DPH6: variants seen among roughly 807,000 people sequenced by gnomAD.
The protein encoded by DPH6 is diphthamine biosynthesis 6.
DPH6 carries 33 observed loss-of-function variants against 38.2 expected under a neutral mutation model. That is an observed-to-expected ratio of 0.86 (90% CI 0.65 to 1.15). The LOEUF is 1.15. DPH6 is among the 50% of genes most tolerant of loss of function. The pLI, the probability that DPH6 is intolerant of heterozygous loss-of-function variation, is 0.00. For synonymous variants in DPH6, 108 were observed against 103.0 expected (o/e 1.05, Z -0.30); for missense variants, 325 against 320.0 (o/e 1.02, Z -0.12).
intron 3 of DPH6, chr15:35,519,275 A>G (rs1294422264): frequency 6.6e-6 from 1 of 152,012 alleles, no homozygotes; most frequent in Non-Finnish European, 1.5e-5. Flanking sequence ...AATGTCATGT[A>G]TAACGACTGG....
Position 35,406,294 on chromosome 15 carries a change from A to T in DPH6, c.567+4541T>A, listed in dbSNP as rs117935462. Among the ~76,000 whole-genome samples, 53 of 152,154 alleles carry T rather than the reference A, an allele frequency of 3.5e-4. No individual in the cohort carries two copies. In the East Asian group the frequency reaches 8.1e-3, roughly 23 times the overall value. On this transcript the variant is annotated intron_variant, in intron 6 of 8. Transcript: ENST00000256538. Reference sequence around the variant, plus strand: ...CGATAGTTCAAAATCGATGAAGCATAGGGAGTATTCCATTGACTACCTATC... The same window carrying T: ...CGATAGTTCAAAATCGATGAAGCATTGGGAGTATTCCATTGACTACCTATC...
At chr15:35,543,004 A>G (rs1278455482) in intron 1 of DPH6, among the ~76,000 whole-genome samples, 1 of 120,154 alleles carries the variant, frequency 8.3e-6, no homozygotes, top group Non-Finnish European at 1.7e-5. Context: ...AAAAAAAACT[A>G]TTCTCTATGA....
intron 3 of DPH6, among the ~76,000 whole-genome samples, chr15:35,485,208 T>C (rs2054381202): frequency 6.6e-6 from 1 of 152,130 alleles, no homozygotes; most frequent in South Asian, 2.1e-4. Flanking sequence ...AGCCAAAAAG[T>C]TCCATGGGTG....
intron 3 of DPH6, among the ~76,000 whole-genome samples, chr15:35,248,954 A>C (rs2051654281): frequency 6.6e-6 from 1 of 152,246 alleles, no homozygotes; most frequent in South Asian, 2.1e-4. Context: ...CTTGCTTGCT[A>C]TAATAACATC....
chr15:35,389,218 AT>A (rs2053017054), intron 6 of DPH6, among the ~76,000 whole-genome samples: 1 of 152,006 alleles, frequency 6.6e-6, no homozygotes, highest in Non-Finnish European at 1.5e-5. Context: ...GTTTGTTATA[AT>A]TTCTGTTCTT....
chr15:35,387,343 A>C (rs1040107441), intron 6 of DPH6, among the ~76,000 whole-genome samples: 1 of 152,152 alleles, frequency 6.6e-6, no homozygotes, highest in African/African-American at 2.4e-5. Context: ...TTGGTTCCAT[A>C]TAAACTTTAA....
chr15:35,343,652 T>C (rs956336658), intron 3 of DPH6, among the ~76,000 whole-genome samples: 1 of 152,042 alleles, frequency 6.6e-6, no homozygotes, highest in Non-Finnish European at 1.5e-5. Context: ...ATTTATCCTT[T>C]AACAAGTTTA....
intron 3 of DPH6, among the ~76,000 whole-genome samples, chr15:35,358,608 T>C (rs1228255350): frequency 6.6e-6 from 1 of 152,216 alleles, no homozygotes; most frequent in Non-Finnish European, 1.5e-5. Flanking sequence ...CTTTTTCCTA[T>C]GGATGTAGCT....
intron 3 of DPH6, among the ~76,000 whole-genome samples, chr15:35,296,110 T>C (rs2052012999): frequency 6.6e-6 from 1 of 151,944 alleles, no homozygotes; most frequent in African/African-American, 2.4e-5. Context: ...CGGCTAATTT[T>C]TTGTATTTTT....
At chr15:35,519,227 T>A (rs949535960) in intron 3 of DPH6, 1 of 151,866 alleles carries the variant, frequency 6.6e-6, no homozygotes, top group African/African-American at 2.4e-5. Context: ...TGACAAACAC[T>A]TTAGTCATTG....
In DPH6 at chr15:35,471,305, T is replaced by C. The variant is rs140711601; in HGVS notation, c.313-16485A>G. On this transcript the variant is annotated intron_variant, in intron 3 of 8. Coordinates refer to ENST00000256538, the MANE Select transcript of DPH6 (RefSeq NM_080650.4). ...GTGCTTATCTGATGCCAGAGAGATG[T>C]TGGAACTACAGATTCCCCAAATCCT... 9.0e-3 allele frequency among the ~76,000 whole-genome samples: 1,372 copies of C among 152,262 alleles called. 21 individuals carry two copies. Among genetic ancestry groups the C allele is most frequent in the African/African-American group, 0.027 (1,106 of 41,546 alleles).
At chr15:35,472,549 C>T (rs2054211424) in intron 3 of DPH6, among the ~76,000 whole-genome samples, 2 of 152,098 alleles carry the variant, frequency 1.3e-5, no homozygotes. Context: ...GCTGACTAAG[C>T]CCTCCTGGAC....
At chr15:35,355,134 C>T (rs1302851494) in intron 3 of DPH6, among the ~76,000 whole-genome samples, 2 of 151,964 alleles carry the variant, frequency 1.3e-5, no homozygotes, top group Non-Finnish European at 2.9e-5. Context: ...TTTCCATTTG[C>T]TTGGGAGATC....
At chr15:35,448,872 T>C (rs1482063197) in intron 5 of DPH6, among the ~76,000 whole-genome samples, 1 of 151,966 alleles carries the variant, frequency 6.6e-6, no homozygotes, top group Non-Finnish European at 1.5e-5. Context: ...AAAAATATAT[T>C]TGTATGCATT....
chr15:35,307,342 A>G (rs574583760), intron 3 of DPH6, among the ~76,000 whole-genome samples: 13 of 152,254 alleles, frequency 8.5e-5, no homozygotes, highest in African/African-American at 3.1e-4. Context: ...CAAAACAAAG[A>G]ATTCTCTATT....
the DPH6 span, among the ~76,000 whole-genome samples, chr15:35,196,306 T>C: frequency 1.3e-5 from 2 of 152,290 alleles, no homozygotes; most frequent in East Asian, 3.9e-4. Flanking sequence ...CCCTAAAACT[T>C]TGGCAACTTG....
the DPH6 span, among the ~76,000 whole-genome samples, chr15:35,198,912 G>T: frequency 1.3e-5 from 2 of 151,660 alleles, no homozygotes; most frequent in South Asian, 4.2e-4. Context: ...ATAATTTGTT[G>T]TCTTCTTCTT....
chr15:35,530,096 C>T (rs79628204), intron 3 of DPH6, among the ~76,000 whole-genome samples: 2,076 of 152,068 alleles, frequency 0.014, 47 homozygotes, highest in African/African-American at 0.038. Context: ...TATACAACAA[C>T]AAAGAAATAA....
At chr15:35,213,338 C>T (rs182039092), downstream of DPH6, among the ~76,000 whole-genome samples, 8 of 152,194 alleles carry the variant, frequency 5.3e-5, no homozygotes, top group Admixed American at 5.2e-4. Context: ...ACAGTAGTTG[C>T]CTAAGATGAC....
Sources: allele counts gnomAD v4.1 joint callset (sites outside exome capture counted in the v4.1 genomes callset), GRCh38; gene constraint gnomAD v4.1.1; transcripts MANE v1.5; gene names NCBI Gene and HGNC (gene_info 2026-07-23, HGNC 2026-07-21).